The following SPTLC3 variants were observed in gnomAD, a reference collection of about 807,000 sequenced individuals.
The protein encoded by SPTLC3 is serine palmitoyltransferase 3.
In SPTLC3, 36 loss-of-function variants were observed where a neutral mutation model predicts 59.3. The observed-to-expected ratio is 0.61, with a 90% CI of 0.47 to 0.80. SPTLC3 has a LOEUF of 0.80. SPTLC3 is among the 30% of genes least tolerant of loss of function. The pLI is 0.00. For missense variants in SPTLC3, 625 were observed against 685.1 expected, an observed-to-expected ratio of 0.91 and a Z score of 0.98; for synonymous variants, 257 against 240.8, an observed-to-expected ratio of 1.07 and a Z score of -0.62.
chr20:13,118,866 T>C (rs1990740704), intron 8 of SPTLC3, among the ~76,000 whole-genome samples: 1 of 152,272 alleles, frequency 6.6e-6, no homozygotes, highest in Admixed American at 6.5e-5. Flanking sequence ...TTCTGGCCAC[T>C]GGCCCTGCCA....
At chr20:13,104,848 T>C (rs1315302990) in intron 6 of SPTLC3, among the ~76,000 whole-genome samples, 1 of 152,206 alleles carries the variant, frequency 6.6e-6, no homozygotes, top group East Asian at 1.9e-4. Context: ...ACAGGTTTGT[T>C]TGGAGGGCTT....
At chr20:13,092,579 A>AT (rs947561415) in intron 5 of SPTLC3, among the ~76,000 whole-genome samples, 9 of 152,290 alleles carry the variant, frequency 5.9e-5, no homozygotes, top group East Asian at 1.9e-4. Flanking sequence ...CTGAATTGTG[A>AT]TTTTTTATAG....
intron 1 of SPTLC3, among the ~76,000 whole-genome samples, chr20:13,039,605 C>T (rs1339723535): frequency 6.6e-6 from 1 of 152,110 alleles, no homozygotes; most frequent in East Asian, 1.9e-4. Context: ...CATCCATTCA[C>T]ATCTTCTGTT....
chr20:13,070,734 A>C (rs536790920), intron 2 of SPTLC3, among the ~76,000 whole-genome samples: 3 of 152,120 alleles, frequency 2.0e-5, no homozygotes, highest in African/African-American at 7.2e-5. Flanking sequence ...CGCTGTAGGG[A>C]GTCATTAGGG....
At chr20:13,077,653 A>G (rs1226635220) in intron 4 of SPTLC3, among the ~76,000 whole-genome samples, 1 of 152,198 alleles carries the variant, frequency 6.6e-6, no homozygotes, top group African/African-American at 2.4e-5. Flanking sequence ...AGCAGGAAAG[A>G]TGAAAGCTAG....
intron 9 of SPTLC3, among the ~76,000 whole-genome samples, chr20:13,135,424 T>C (rs922180386): frequency 4.6e-5 from 7 of 152,208 alleles, no homozygotes; most frequent in Non-Finnish European, 8.8e-5. Context: ...TTTGATGACA[T>C]GGTGTTGAAA....
At chr20:13,072,968 T>G (rs1166015403) in intron 3 of SPTLC3, among the ~76,000 whole-genome samples, 1 of 152,264 alleles carries the variant, frequency 6.6e-6, no homozygotes, top group Non-Finnish European at 1.5e-5. Flanking sequence ...GGAGTACATG[T>G]AATAATTTAA....
intron 8 of SPTLC3, among the ~76,000 whole-genome samples, chr20:13,123,841 C>A (rs935569538): frequency 6.6e-6 from 1 of 151,996 alleles, no homozygotes; most frequent in Admixed American, 6.5e-5. Context: ...TCATCCAATT[C>A]CCAGGACCCA....
At chr20:13,096,575 A>G (rs1989422985) in intron 6 of SPTLC3, among the ~76,000 whole-genome samples, 1 of 152,160 alleles carries the variant, frequency 6.6e-6, no homozygotes, top group Non-Finnish European at 1.5e-5. Context: ...ATTTGTAGTC[A>G]ATTCAAAAAT....
intron 7 of SPTLC3, among the ~76,000 whole-genome samples, chr20:13,113,909 T>G (rs1990386370): frequency 6.6e-6 from 1 of 152,212 alleles, no homozygotes; most frequent in Non-Finnish European, 1.5e-5. Context: ...GTCTACTCCT[T>G]GCTAAACATT....
rs1452115536 is a variant in SPTLC3, at chr20:13,134,339, T to G, written c.1279+7622T>G. On this transcript the variant is annotated intron_variant, in intron 9 of 11. Coordinates refer to ENST00000399002, the MANE Select transcript of SPTLC3 (RefSeq NM_018327.4). ...AATAAACTTGCTCATCAAGGACAAC[T>G]TCTTTCTTATAATTCTTGTCTGCAG... Among the ~76,000 whole-genome samples, 5 of 152,220 alleles carry G rather than the reference T, an allele frequency of 3.3e-5. No homozygotes were observed. The East Asian group carries it at 7.7e-4, about 23-fold the overall frequency.
At chr20:13,038,022 T>C (rs573400600) in intron 1 of SPTLC3, among the ~76,000 whole-genome samples, 1 of 136,400 alleles carries the variant, frequency 7.3e-6, no homozygotes, top group East Asian at 1.9e-4. Context: ...CAAGAAAGGC[T>C]GGAAAATACA....
intron 2 of SPTLC3, among the ~76,000 whole-genome samples, chr20:13,053,748 A>C (rs1438775732): frequency 6.6e-6 from 1 of 152,126 alleles, no homozygotes; most frequent in Non-Finnish European, 1.5e-5. Flanking sequence ...AGCATACACA[A>C]GTATCAATAG....
intron 6 of SPTLC3, among the ~76,000 whole-genome samples, chr20:13,099,929 A>G (rs1199562337): frequency 6.6e-6 from 1 of 152,212 alleles, no homozygotes; most frequent in African/African-American, 2.4e-5. Flanking sequence ...AAGAATGGCC[A>G]CCTGCACCAG....
At chr20:13,083,494 A>T (rs1248996333) in intron 4 of SPTLC3, among the ~76,000 whole-genome samples, 1 of 152,186 alleles carries the variant, frequency 6.6e-6, no homozygotes, top group Non-Finnish European at 1.5e-5. Context: ...GTCAAAGTAA[A>T]ATACAGAAGG....
intron 4 of SPTLC3, among the ~76,000 whole-genome samples, chr20:13,089,503 G>A (rs567298484): frequency 7.9e-5 from 12 of 151,836 alleles, no homozygotes; most frequent in African/African-American, 2.4e-4. Flanking sequence ...AAAAAATATC[G>A]GGCCAGGTGC....
At chr20:13,013,827 CTA>C (rs1189245971) in intron 1 of SPTLC3, among the ~76,000 whole-genome samples, 18 of 152,316 alleles carry the variant, frequency 1.2e-4, no homozygotes, top group African/African-American at 4.3e-4. Flanking sequence ...GAAACAATAA[CTA>C]TTGGATTGTT....
At chr20:13,131,371 C>T (rs757518665) in intron 9 of SPTLC3, among the ~76,000 whole-genome samples, 4 of 152,102 alleles carry the variant, frequency 2.6e-5, no homozygotes, top group Non-Finnish European at 4.4e-5. Flanking sequence ...AATGGCAAGT[C>T]ACTTTCCCTC....
At chr20:13,092,192 A>G (rs1327317466) in intron 5 of SPTLC3, among the ~76,000 whole-genome samples, 2 of 152,236 alleles carry the variant, frequency 1.3e-5, no homozygotes, top group African/African-American at 2.4e-5. Flanking sequence ...TGTAAAATAC[A>G]TAGGTTTGGA....
Sources: allele counts gnomAD v4.1 joint callset (sites outside exome capture counted in the v4.1 genomes callset), GRCh38; gene constraint gnomAD v4.1.1; transcripts MANE v1.5; gene names NCBI Gene and HGNC (gene_info 2026-07-23, HGNC 2026-07-21).